SH3GL3: variants seen among roughly 807,000 people sequenced by gnomAD.
SH3GL3 encodes endophilin-A3.
A neutral mutation model predicts 47.7 loss-of-function variants in SH3GL3; 33 were observed. The ratio of observed to expected loss-of-function variants is 0.69; its 90% CI spans 0.52 to 0.92. SH3GL3 has a LOEUF of 0.92. SH3GL3 is among the 40% of genes least tolerant of loss of function. The pLI, the probability that SH3GL3 is intolerant of heterozygous loss-of-function variation, is 0.00. For missense variants in SH3GL3, 363 were observed against 417.8 expected, an observed-to-expected ratio of 0.87 and a Z score of 1.14; for synonymous variants, 155 against 148.8, an observed-to-expected ratio of 1.04 and a Z score of -0.30.
chr15:83,450,255 T>G (rs962669388), intron 1 of SH3GL3, among the ~76,000 whole-genome samples: 2 of 152,220 alleles, frequency 1.3e-5, no homozygotes, highest in African/African-American at 4.8e-5. Flanking sequence ...TTAAGAGAAT[T>G]GTATGGTATG....
intron 1 of SH3GL3, among the ~76,000 whole-genome samples, chr15:83,480,296 G>A (rs904472063): frequency 6.6e-6 from 1 of 152,064 alleles, no homozygotes; most frequent in African/African-American, 2.4e-5. Context: ...ATAAATAATG[G>A]CAAAACTCAG....
Position 83,447,496 on chromosome 15 carries a change from G to C in SH3GL3, c.-38G>C, listed in dbSNP as rs1015896352. ...CGTCGCGGCCGCGTGGCCCAGCCGAGCCTTGAGACCACCCCGCCCCTGCCG... is the reference window on the plus strand; with the variant it reads ...CGTCGCGGCCGCGTGGCCCAGCCGACCCTTGAGACCACCCCGCCCCTGCCG... On this transcript the variant is annotated 5_prime_UTR_variant, in exon 1 of 9. Transcript: ENST00000427482. This position sits in a 1 kb window ranked among gnomAD's most constrained non-coding sequence, Gnocchi z 5.1. 4 of 1,484,040 alleles carry C rather than the reference G, an allele frequency of 2.7e-6. No individual in the cohort carries two copies. In the East Asian group the frequency reaches 9.1e-5, roughly 34 times the overall value. The allele number at this position is 1,484,040 out of a possible 1,614,324, so 91.9% of individuals were successfully genotyped here. A position where few individuals can be genotyped will look rare whatever the true frequency, so the allele number is the denominator to read the frequency against.
chr15:83,586,560 CT>C (rs1280727963), intron 6 of SH3GL3, among the ~76,000 whole-genome samples: 4 of 152,156 alleles, frequency 2.6e-5, no homozygotes, highest in African/African-American at 7.2e-5. Context: ...TACTTAATGT[CT>C]TGATTTGGCT....
chr15:83,607,337 C>T (rs2060545069), intron 8 of SH3GL3, among the ~76,000 whole-genome samples: 1 of 152,160 alleles, frequency 6.6e-6, no homozygotes, highest in Non-Finnish European at 1.5e-5. Context: ...AGTGATGTTG[C>T]ACCATCCAGA....
chr15:83,558,552 G>A (rs571328450), intron 1 of SH3GL3, among the ~76,000 whole-genome samples: 1 of 152,066 alleles, frequency 6.6e-6, no homozygotes, highest in East Asian at 1.9e-4. Flanking sequence ...AGCAAGCAGA[G>A]ACCAGGGTTG....
chr15:83,501,039 C>T (rs887717969), intron 1 of SH3GL3, among the ~76,000 whole-genome samples: 1 of 152,092 alleles, frequency 6.6e-6, no homozygotes, highest in Non-Finnish European at 1.5e-5. Flanking sequence ...TTGGAATTGG[C>T]TTATGCTTTT....
intron 8 of SH3GL3, among the ~76,000 whole-genome samples, chr15:83,608,723 A>G (rs1364287677): frequency 6.6e-6 from 1 of 151,938 alleles, no homozygotes; most frequent in Non-Finnish European, 1.5e-5. Context: ...GAAAGTTCCA[A>G]ATTGGGTTTC....
intron 3 of SH3GL3, 112 bp from the exon 4 acceptor site, chr15:83,568,417 C>G: frequency 1.4e-6 from 1 of 736,444 alleles, no homozygotes. Flanking sequence ...CCTCAGGTCT[C>G]TGGCATTTTG....
intron 8 of SH3GL3, among the ~76,000 whole-genome samples, chr15:83,604,785 G>C (rs2060472288): frequency 6.6e-6 from 1 of 152,194 alleles, no homozygotes; most frequent in African/African-American, 2.4e-5. Flanking sequence ...CAAGATCACA[G>C]AGCCAGGAAG....
chr15:83,447,653 G>A lies in SH3GL3; in HGVS notation c.45+75G>A. ...GCCCCCCGAGGCTCCCGGGCCTTTGGGACTCCTGTTCCCTGAAGGGCCTCT... is the reference window on the plus strand; with the variant it reads ...GCCCCCCGAGGCTCCCGGGCCTTTGAGACTCCTGTTCCCTGAAGGGCCTCT... On this transcript the variant is annotated intron_variant, in intron 1 of 8. Coordinates refer to ENST00000427482, the MANE Select transcript of SH3GL3 (RefSeq NM_003027.5). The surrounding 1 kb of genome is among the most constrained non-coding windows in gnomAD (Gnocchi z 5.1). 1.8e-6 allele frequency: 2 copies of A among 1,130,856 alleles called. No individual in the cohort carries two copies. Among genetic ancestry groups the A allele is most frequent in the Non-Finnish European group, 2.4e-6 (2 of 816,750 alleles). The allele number at this position is 1,130,856 out of a possible 1,614,324, so 70.1% of individuals were successfully genotyped here.
intron 8 of SH3GL3, among the ~76,000 whole-genome samples, chr15:83,609,980 G>C (rs2060620804): frequency 6.6e-6 from 1 of 152,210 alleles, no homozygotes; most frequent in Admixed American, 6.5e-5. Flanking sequence ...AGCCTGAGCT[G>C]CTCACTTTGA....
At chr15:83,566,249 A>T (rs1009033812) in intron 3 of SH3GL3, among the ~76,000 whole-genome samples, 3 of 152,106 alleles carry the variant, frequency 2.0e-5, no homozygotes, top group African/African-American at 4.8e-5. Flanking sequence ...TTATTCCTAG[A>T]GAAGAGGCAG....
intron 5 of SH3GL3, among the ~76,000 whole-genome samples, chr15:83,573,788 A>G (rs1386697787): frequency 6.6e-6 from 1 of 152,242 alleles, no homozygotes; most frequent in East Asian, 1.9e-4. Context: ...TCAACTGTGT[A>G]TAGCCTGCTC....
At chr15:83,526,942 T>C (rs1456962672) in intron 1 of SH3GL3, among the ~76,000 whole-genome samples, 1 of 152,238 alleles carries the variant, frequency 6.6e-6, no homozygotes, top group Non-Finnish European at 1.5e-5. Flanking sequence ...CCTCCTTGGT[T>C]AAATGTATTC....
At chr15:83,565,849 G>A (rs1390098449) in intron 3 of SH3GL3, 2 of 152,142 alleles carry the variant, frequency 1.3e-5, no homozygotes, top group African/African-American at 4.8e-5. Context: ...TAGAGTTCCT[G>A]TGATTCCCTT....
intron 5 of SH3GL3, among the ~76,000 whole-genome samples, chr15:83,576,205 G>A (rs1414817150): frequency 6.6e-6 from 1 of 152,170 alleles, no homozygotes; most frequent in African/African-American, 2.4e-5. Flanking sequence ...CAAAAGAAAT[G>A]TTCCTACTGT....
chr15:83,614,053 A>G (rs2060746779), intron 8 of SH3GL3, among the ~76,000 whole-genome samples: 1 of 152,242 alleles, frequency 6.6e-6, no homozygotes, highest in Non-Finnish European at 1.5e-5. Context: ...ACATTAAAAC[A>G]GTTATACATT....
intron 1 of SH3GL3, among the ~76,000 whole-genome samples, chr15:83,528,910 C>T (rs1432838052): frequency 6.6e-6 from 1 of 152,196 alleles, no homozygotes; most frequent in Non-Finnish European, 1.5e-5. Flanking sequence ...GATATCTGCA[C>T]ATCTGATGTA....
intron 1 of SH3GL3, among the ~76,000 whole-genome samples, chr15:83,476,136 T>G (rs2151544032): frequency 6.6e-6 from 1 of 152,248 alleles, no homozygotes; most frequent in Admixed American, 6.5e-5. Context: ...TAGCAAAAAG[T>G]AGATTAAAAT....
Sources: allele counts gnomAD v4.1 joint callset (sites outside exome capture counted in the v4.1 genomes callset), GRCh38; gene constraint gnomAD v4.1.1; non-coding constraint Gnocchi (gnomAD v3.1); transcripts MANE v1.5; gene names NCBI Gene and HGNC (gene_info 2026-07-23, HGNC 2026-07-21).